GRIK1: variants seen among roughly 807,000 people sequenced by gnomAD.
GRIK1 encodes glutamate receptor ionotropic, kainate 1.
GRIK1 carries 69 observed loss-of-function variants against 105.7 expected under a neutral mutation model. The observed-to-expected ratio is 0.65, with a 90% CI of 0.54 to 0.80. GRIK1 has a LOEUF of 0.80. Ranked by LOEUF, GRIK1 falls within the 30% of genes least tolerant of loss-of-function variation. The pLI, the probability that GRIK1 is intolerant of heterozygous loss-of-function variation, is 0.00. For missense variants in GRIK1, 1,109 were observed against 1,167.3 expected, an observed-to-expected ratio of 0.95 and a Z score of 0.73; for synonymous variants, 438 against 431.3, an observed-to-expected ratio of 1.02 and a Z score of -0.19.
intron 1 of GRIK1, among the ~76,000 whole-genome samples, chr21:29,827,842 G>C (rs1266006011): frequency 6.6e-6 from 1 of 152,072 alleles, no homozygotes; most frequent in Non-Finnish European, 1.5e-5. Context: ...GCTAGGTTCT[G>C]CTGGATGGTT....
intron 1 of GRIK1, among the ~76,000 whole-genome samples, chr21:29,831,790 C>G (rs2067649639): frequency 6.6e-6 from 1 of 152,104 alleles, no homozygotes; most frequent in Non-Finnish European, 1.5e-5. Flanking sequence ...CCCAGCCCCT[C>G]CAACATCTCA....
At chr21:29,740,829 G>A (rs747865260) in intron 1 of GRIK1, among the ~76,000 whole-genome samples, 3 of 152,208 alleles carry the variant, frequency 2.0e-5, no homozygotes, top group Admixed American at 2.0e-4. Context: ...ACAAGGCACT[G>A]CAGACGACTC....
At chr21:29,909,848 T>A (rs1003182237) in intron 1 of GRIK1, among the ~76,000 whole-genome samples, 1 of 152,166 alleles carries the variant, frequency 6.6e-6, no homozygotes, top group Non-Finnish European at 1.5e-5. Context: ...AAAATCTTTA[T>A]TGAAATAATT....
At chr21:29,697,803 G>A (rs1174838863) in intron 1 of GRIK1, among the ~76,000 whole-genome samples, 1 of 152,078 alleles carries the variant, frequency 6.6e-6, no homozygotes, top group Non-Finnish European at 1.5e-5. Context: ...GGGCACACAC[G>A]TTGGGGCCCT....
chr21:29,598,905 G>T lies in GRIK1; in HGVS notation c.1131C>A (p.Thr377=). 1 of 1,593,476 alleles carries T rather than the reference G, an allele frequency of 6.3e-7. No individual in the cohort carries two copies. The highest frequency in any genetic ancestry group is 8.6e-7 in the Non-Finnish European group (1 of 1,165,134). Residue 377 remains threonine, a synonymous_variant, in exon 8 of 18, where the codon ACC becomes ACA. Coordinates refer to ENST00000327783, the MANE Select transcript of GRIK1 (RefSeq NM_001330994.2). ...TCCTCAAGCCATTGGTTTTATTAAAGGTGATATGCCCAGTCAAGCCATCCC... is the reference window on the plus strand; with the variant it reads ...TCCTCAAGCCATTGGTTTTATTAAATGTGATATGCCCAGTCAAGCCATCCC... ...ARWDGLTGHI[T]FNKTNGLRKD...
chr21:29,865,786 G>A lies in GRIK1; in HGVS notation c.118+73597C>T, dbSNP rs147309535. Among the ~76,000 whole-genome samples the A allele has an allele frequency of 5.6e-4, 86 of 152,292 alleles. 1 individual carries two copies. The highest frequency in any genetic ancestry group is 3.5e-3 in the East Asian group (18 of 5,180). On this transcript the variant is annotated intron_variant, in intron 1 of 17. Transcript: ENST00000327783. ...AAATATTTTTCAAAATAAAATATGC[G>A]TATATTCTTTGACCAAGTCATTCCA...
At chr21:29,739,330 A>G (rs1389552206) in intron 1 of GRIK1, among the ~76,000 whole-genome samples, 2 of 152,156 alleles carry the variant, frequency 1.3e-5, no homozygotes, top group African/African-American at 4.8e-5. Context: ...AGGGGGAGAG[A>G]CCAAGGATAG....
chr21:29,587,964 CTTTTTT>C (rs568648777), intron 11 of GRIK1, among the ~76,000 whole-genome samples: 4,262 of 65,066 alleles, frequency 0.066, 24 homozygotes, highest in African/African-American at 0.11. Context: ...CTTTAAAATT[CTTTTTT>C]TTTTTTTTTT....
At chr21:29,697,322 C>G (rs1401611436) in intron 1 of GRIK1, among the ~76,000 whole-genome samples, 1 of 152,172 alleles carries the variant, frequency 6.6e-6, no homozygotes, top group Admixed American at 6.5e-5. Context: ...TTGGCACCAA[C>G]TGGTGAACTG....
At chr21:29,714,581 C>A (rs1037401463) in intron 1 of GRIK1, among the ~76,000 whole-genome samples, 1 of 152,074 alleles carries the variant, frequency 6.6e-6, no homozygotes, top group Non-Finnish European at 1.5e-5. Flanking sequence ...GGATATCTAC[C>A]TACCCAGTAG....
At chr21:29,617,596 C>T (rs1017737390) in intron 7 of GRIK1, among the ~76,000 whole-genome samples, 1 of 152,226 alleles carries the variant, frequency 6.6e-6, no homozygotes, top group African/African-American at 2.4e-5. Flanking sequence ...GGAGTGTTTT[C>T]AGAAGCGCTT....
chr21:29,933,818 A>G (rs539944239), intron 1 of GRIK1, among the ~76,000 whole-genome samples: 97 of 152,304 alleles, frequency 6.4e-4, no homozygotes, highest in Admixed American at 9.8e-4. Flanking sequence ...TGGAAATATG[A>G]ATCCCCTTCT....
At chr21:29,743,525 G>T (rs968025094) in intron 1 of GRIK1, among the ~76,000 whole-genome samples, 2 of 151,926 alleles carry the variant, frequency 1.3e-5, no homozygotes, top group African/African-American at 4.8e-5. Context: ...GTGAAACTCC[G>T]TCTGTACTAA....
chr21:29,645,651 G>A (rs185416263), intron 6 of GRIK1, among the ~76,000 whole-genome samples: 12 of 152,162 alleles, frequency 7.9e-5, no homozygotes, highest in African/African-American at 2.2e-4. Context: ...CTATATTATA[G>A]CACTAATAAA....
intron 3 of GRIK1, among the ~76,000 whole-genome samples, chr21:29,688,936 G>T (rs900551902): frequency 5.9e-5 from 9 of 152,174 alleles, no homozygotes; most frequent in African/African-American, 2.2e-4. Context: ...TACAGGCAGT[G>T]AGGGAAGCTA....
At chr21:29,551,185 C>T (rs2090128330) in intron 16 of GRIK1, among the ~76,000 whole-genome samples, 2 of 152,196 alleles carry the variant, frequency 1.3e-5, no homozygotes, top group Non-Finnish European at 2.9e-5. Flanking sequence ...TGCGCAAAAA[C>T]TTGTGACGCA....
intron 14 of GRIK1, among the ~76,000 whole-genome samples, chr21:29,563,452 A>G (rs1185530779): frequency 1.3e-5 from 2 of 152,116 alleles, no homozygotes; most frequent in African/African-American, 4.8e-5. Context: ...AGATATTGGT[A>G]TTTTGTGGAA....
intron 1 of GRIK1, among the ~76,000 whole-genome samples, chr21:29,696,548 G>A (rs1221256028): frequency 6.6e-6 from 1 of 152,224 alleles, no homozygotes; most frequent in African/African-American, 2.4e-5. Flanking sequence ...TCACCAGAAG[G>A]TGGACATAAG....
intron 7 of GRIK1, among the ~76,000 whole-genome samples, chr21:29,615,023 C>A (rs2832411): frequency 0.53 from 80,394 of 151,180 alleles, 24,492 homozygotes; most frequent in African/African-American, 0.83. Flanking sequence ...AGAACTAGTA[C>A]ATCCTAACTA....
Sources: allele counts gnomAD v4.1 joint callset (sites outside exome capture counted in the v4.1 genomes callset), GRCh38; gene constraint gnomAD v4.1.1; transcripts MANE v1.5; gene names NCBI Gene and HGNC (gene_info 2026-07-23, HGNC 2026-07-21).